MZT2A: variants seen among roughly 807,000 people sequenced by gnomAD.
The protein encoded by MZT2A is mitotic-spindle organizing protein 2A.
In MZT2A, 8 loss-of-function variants were observed where a neutral mutation model predicts 12.4. The observed-to-expected ratio is 0.64, with a 90% confidence interval of 0.38 to 1.16. MZT2A has a LOEUF of 1.16. Among genes scored for constraint, MZT2A ranks in the 50% most tolerant of loss-of-function variants. The probability of loss-of-function intolerance (pLI) is 0.01; values close to 1 mark genes in which losing one functional copy is unlikely to be tolerated. For synonymous variants in MZT2A, 88 were observed against 107.5 expected, an observed-to-expected ratio of 0.82 and a Z score of 1.12; for missense variants, 181 against 223.6, an observed-to-expected ratio of 0.81 and a Z score of 1.22.
chr2:131,488,801 A>G (rs1679162757), intron 2 of MZT2A, among the ~76,000 whole-genome samples: 1 of 151,852 alleles, frequency 6.6e-6, no homozygotes, highest in Non-Finnish European at 1.5e-5. Context: ...CACCCAGCCT[A>G]CAGGACCTGG....
At chr2:131,476,535 T>TGAGGAGCCC (rs1433908526) in intron 2 of MZT2A, among the ~76,000 whole-genome samples, 5 of 152,206 alleles carry the variant, frequency 3.3e-5, no homozygotes, top group South Asian at 2.1e-4. Context: ...TCGAAACAAC[T>TGAGGAGCCC]GAGGAGCCCC....
chr2:131,489,971 A>C (rs1391149349), intron 2 of MZT2A: 1 of 977,514 alleles, frequency 1.0e-6, no homozygotes, highest in Non-Finnish European at 1.2e-6. Context: ...CTCTGTTCCC[A>C]GTTTCTCCCT....
downstream of MZT2A, among the ~76,000 whole-genome samples, chr2:131,483,734 A>C (rs1678935686): frequency 1.4e-5 from 2 of 141,678 alleles, no homozygotes; most frequent in Admixed American, 6.7e-5. Flanking sequence ...ACAAACAAAC[A>C]AACAAAAAAC....
chr2:131,491,514 G>A (rs183597653), intron 2 of MZT2A: 24 of 403,198 alleles, frequency 6.0e-5, no homozygotes, highest in Middle Eastern at 1.4e-3. Context: ...GGATCCTCCC[G>A]CCGTGGGGTC....
chr2:131,480,483 C>T (rs149332264), downstream of MZT2A: 22 of 1,589,396 alleles, frequency 1.4e-5, 2 homozygotes, highest in East Asian at 4.5e-5. Flanking sequence ...GCCGTACCCC[C>T]GCATCCACTT....
intron 2 of MZT2A, among the ~76,000 whole-genome samples, chr2:131,477,027 C>CT (rs1167783157): frequency 3.9e-5 from 5 of 128,794 alleles, no homozygotes; most frequent in Admixed American, 2.1e-4. Flanking sequence ...TTTTTCCTTT[C>CT]TTTTTCTTTC....
chr2:131,475,756 C>T (rs1573854532), intron 2 of MZT2A, among the ~76,000 whole-genome samples: 1 of 152,060 alleles, frequency 6.6e-6, no homozygotes, highest in South Asian at 2.1e-4. Context: ...CAAGGCCTCT[C>T]AGAGGTGGCC....
downstream of MZT2A, chr2:131,480,467 C>T (rs145361350): frequency 2.5e-6 from 4 of 1,588,232 alleles, no homozygotes; most frequent in Non-Finnish European, 3.4e-6. Context: ...TCCAGACCAA[C>T]CTAGTGCCGT....
chr2:131,475,922 T>C (rs1031453624), intron 2 of MZT2A, among the ~76,000 whole-genome samples: 14 of 150,220 alleles, frequency 9.3e-5, no homozygotes, highest in African/African-American at 3.3e-4. Context: ...CGGAAATGCC[T>C]CAGCAACCGC....
chr2:131,485,249 G>A (rs1348950096), intron 2 of MZT2A, among the ~76,000 whole-genome samples: 7 of 152,124 alleles, frequency 4.6e-5, no homozygotes, highest in Admixed American at 6.5e-5. Flanking sequence ...CTGACTGAGG[G>A]AGTGCCTTGA....
downstream of MZT2A, chr2:131,479,254 A>G (rs1367850120): frequency 6.9e-5 from 110 of 1,589,914 alleles, no homozygotes; most frequent in Non-Finnish European, 9.3e-5. Context: ...GAATGTGTCC[A>G]TCTTGGTGAG....
intron 2 of MZT2A, chr2:131,476,107 C>T: frequency 3.1e-6 from 5 of 1,594,406 alleles, no homozygotes; most frequent in East Asian, 4.6e-5. Flanking sequence ...CCGTGCGGCG[C>T]GCACAGGCAG....
upstream of MZT2A, chr2:131,492,926 G>C: frequency 6.6e-7 from 1 of 1,519,954 alleles, no homozygotes; most frequent in Admixed American, 2.0e-5. Flanking sequence ...CCCTCCCCCC[G>C]CACTCCTGCC....
chr2:131,471,979 A>T, intron 3 of MZT2A: 1 of 1,166,656 alleles, frequency 8.6e-7, no homozygotes, highest in Non-Finnish European at 1.1e-6. Context: ...AGGAGTCCCA[A>T]GGAGGTCTTT....
intron 1 of MZT2A, 57 bp downstream of exon 1, chr2:131,492,150 G>A: frequency 6.5e-7 from 1 of 1,536,396 alleles, no homozygotes; most frequent in Non-Finnish European, 8.8e-7. Flanking sequence ...GGGCGTACCC[G>A]GAGAGCAGAG....
downstream of MZT2A, chr2:131,479,255 T>C: frequency 6.3e-7 from 1 of 1,590,566 alleles, no homozygotes; most frequent in Non-Finnish European, 8.6e-7. Context: ...AATGTGTCCA[T>C]CTTGGTGAGT....
At chr2:131,483,257 A>G (rs924174738), downstream of MZT2A, among the ~76,000 whole-genome samples, 2 of 152,122 alleles carry the variant, frequency 1.3e-5, no homozygotes, top group East Asian at 1.9e-4. Context: ...AGGTCTGTGG[A>G]TGGGGCTTGT....
intron 2 of MZT2A, among the ~76,000 whole-genome samples, chr2:131,477,814 A>G (rs1269030996): frequency 6.6e-6 from 1 of 152,120 alleles, no homozygotes; most frequent in Non-Finnish European, 1.5e-5. Flanking sequence ...TCCTTTGATC[A>G]GGACATAATC....
chr2:131,492,786 G>A, upstream of MZT2A: 1 of 1,356,092 alleles, frequency 7.4e-7, no homozygotes, highest in Non-Finnish European at 9.7e-7. Flanking sequence ...CTCTTCGGGG[G>A]GGGTGGGGGG....
Sources: allele counts gnomAD v4.1 joint callset (sites outside exome capture counted in the v4.1 genomes callset), GRCh38; gene constraint gnomAD v4.1.1; transcripts MANE v1.5; gene names NCBI Gene and HGNC (gene_info 2026-07-23, HGNC 2026-07-21).